Variants in SAXO1 observed in about 807,000 individuals in gnomAD.
The protein encoded by SAXO1 is 4930500O09Rik.
A neutral mutation model predicts 17.5 loss-of-function variants in SAXO1; 21 were observed. The ratio of observed to expected loss-of-function variants is 1.20; its 90% CI spans 0.85 to 1.72. SAXO1 has a LOEUF of 1.72. Among genes scored for constraint, SAXO1 ranks in the 40% most tolerant of loss-of-function variants. The pLI is 0.00. For missense variants in SAXO1, 843 were observed against 596.0 expected (o/e 1.41, Z -4.32); for synonymous variants, 274 against 216.5 (o/e 1.27, Z -2.33).
At chr9:18,976,844 G>A (rs892943329) in intron 1 of SAXO1, among the ~76,000 whole-genome samples, 3 of 152,202 alleles carry the variant, frequency 2.0e-5, no homozygotes, top group Non-Finnish European at 4.4e-5. Flanking sequence ...ATGCACACGT[G>A]TGCACACAGC....
Position 19,021,849 on chromosome 9 carries a change from T to G in SAXO1, c.38+11022A>C, listed in dbSNP as rs566976001. Reference sequence around the variant, plus strand: ...ATCAGCACTCTGTAAAATGGACCAATCAGCACTCTGTAAAATGGACCAATC... The same window carrying G: ...ATCAGCACTCTGTAAAATGGACCAAGCAGCACTCTGTAAAATGGACCAATC... On this transcript the variant is annotated intron_variant, in intron 1 of 3. Transcript: ENST00000380534. Among the ~76,000 whole-genome samples, 49 of 151,608 alleles carry G rather than the reference T, an allele frequency of 3.2e-4. No homozygotes were observed. In the South Asian group the frequency reaches 9.8e-3, roughly 30 times the overall value.
intron 1 of SAXO1, among the ~76,000 whole-genome samples, chr9:19,008,492 A>G (rs574926241): frequency 3.0e-4 from 46 of 152,186 alleles, no homozygotes; most frequent in Non-Finnish European, 6.3e-4. Flanking sequence ...GCAGAAAGCT[A>G]TTTTGAAGCC....
intron 1 of SAXO1, among the ~76,000 whole-genome samples, chr9:19,000,586 G>A (rs186535561): frequency 6.6e-6 from 1 of 152,364 alleles, no homozygotes; most frequent in East Asian, 1.9e-4. Context: ...TCTGGGAAGA[G>A]AGAAGCACCT....
chr9:18,948,044 C>T (rs1350864806), intron 2 of SAXO1, among the ~76,000 whole-genome samples: 1 of 152,128 alleles, frequency 6.6e-6, no homozygotes, highest in African/African-American at 2.4e-5. Context: ...GTGGGATGTT[C>T]CAGTAATAAG....
At chr9:19,044,706 CA>C (rs1214458784) in intron 1 of SAXO1, among the ~76,000 whole-genome samples, 5 of 151,334 alleles carry the variant, frequency 3.3e-5, no homozygotes, top group South Asian at 4.2e-4. Context: ...ACTAAAAATA[CA>C]AAAAAATTAG....
chr9:19,001,663 C>CA (rs78327852), intron 1 of SAXO1, among the ~76,000 whole-genome samples: 72,427 of 130,492 alleles, frequency 0.56, 19,777 homozygotes, highest in Non-Finnish European at 0.65. Flanking sequence ...AAGACTCCGT[C>CA]AAAAAAAAAA....
At chr9:18,931,475 G>C (rs1321246337) in intron 3 of SAXO1, among the ~76,000 whole-genome samples, 1 of 152,170 alleles carries the variant, frequency 6.6e-6, no homozygotes, top group East Asian at 1.9e-4. Flanking sequence ...ATGAGCCTTT[G>C]TGAAGAAGTC....
At chr9:19,002,841 G>A (rs1834331960) in intron 1 of SAXO1, among the ~76,000 whole-genome samples, 1 of 152,196 alleles carries the variant, frequency 6.6e-6, no homozygotes, top group Non-Finnish European at 1.5e-5. Context: ...CACAAGACAA[G>A]GATGCCTTCT....
chr9:18,950,763 T>C lies in SAXO1; in HGVS notation c.213A>G (p.Thr71=), dbSNP rs956410845. 13 of 1,612,594 alleles carry C rather than the reference T, an allele frequency of 8.1e-6. No individual in the cohort carries two copies. Among genetic ancestry groups the C allele is most frequent in the Non-Finnish European group, 1.1e-5 (13 of 1,179,154 alleles). ...TTAATACTGTTTGCCCTCACCTTGA[T>C]GTAGTCAGGCCTTCCATTGGTATAG... ...KGPIPMEGLT[T]SRRDFGPHKV... Residue 71 remains threonine, a synonymous_variant, in exon 2 of 4, where the codon ACA becomes ACG. Coordinates refer to ENST00000380534, the MANE Select transcript of SAXO1 (RefSeq NM_153707.4).
At position 18,928,199 on chromosome 9, in the gene SAXO1, C is replaced by A. The variant is rs769447524; in HGVS notation, c.1278G>T (p.Glu426Asp). The stretch of plus-strand genomic sequence containing the variant: ...CTTCCTCAAAGGTGTAGCCAGGAGG[C>A]TCAGGATATGAAGCTAGGCACCTGC... ...EMGRCLASYP[E>D]PPGYTFEEVD... The change falls in exon 4 of 4, where the codon GAG (glutamate) becomes GAT (aspartate). Residue 426 changes from glutamate (E) to aspartate (D), a missense_variant. Coordinates refer to ENST00000380534, the MANE Select transcript of SAXO1 (RefSeq NM_153707.4). The A allele has an allele frequency of 6.2e-7, 1 of 1,614,166 alleles. No homozygotes were observed. The highest frequency in any genetic ancestry group is 1.7e-5 in the Admixed American group (1 of 60,018).
At chr9:18,975,825 G>C (rs927425034) in intron 1 of SAXO1, among the ~76,000 whole-genome samples, 1 of 152,188 alleles carries the variant, frequency 6.6e-6, no homozygotes, top group African/African-American at 2.4e-5. Context: ...AGCAGAAGCT[G>C]AAAGTTGTGC....
intron 1 of SAXO1, among the ~76,000 whole-genome samples, chr9:18,994,306 A>G (rs890876307): frequency 2.0e-5 from 3 of 152,172 alleles, no homozygotes; most frequent in Non-Finnish European, 4.4e-5. Flanking sequence ...TATGACGACA[A>G]TGTGCCATGT....
At chr9:19,022,777 T>G (rs1360901100) in intron 1 of SAXO1, among the ~76,000 whole-genome samples, 1 of 152,212 alleles carries the variant, frequency 6.6e-6, no homozygotes, top group Non-Finnish European at 1.5e-5. Flanking sequence ...AGCAGCTAAT[T>G]TGACAGCCAT....
At chr9:19,017,028 G>T (rs1217143280) in intron 1 of SAXO1, among the ~76,000 whole-genome samples, 1 of 151,956 alleles carries the variant, frequency 6.6e-6, no homozygotes, top group Non-Finnish European at 1.5e-5. Flanking sequence ...GACCAATTGG[G>T]CCTGGCATGG....
chr9:18,955,592 G>C (rs1364095126), intron 1 of SAXO1, among the ~76,000 whole-genome samples: 2 of 152,202 alleles, frequency 1.3e-5, no homozygotes, highest in Non-Finnish European at 2.9e-5. Context: ...CTCTTTCTTA[G>C]GCTTTCTCTG....
chr9:18,935,772 C>T (rs1408321527), intron 3 of SAXO1, among the ~76,000 whole-genome samples: 1 of 152,190 alleles, frequency 6.6e-6, no homozygotes, highest in Non-Finnish European at 1.5e-5. Flanking sequence ...GTTGTCTTCC[C>T]TGATTTCTTG....
At chr9:19,013,121 G>A (rs1834821155) in intron 1 of SAXO1, among the ~76,000 whole-genome samples, 1 of 151,986 alleles carries the variant, frequency 6.6e-6, no homozygotes, top group South Asian at 2.1e-4. Context: ...GATCCTGGAG[G>A]GGAACCACAC....
intron 1 of SAXO1, among the ~76,000 whole-genome samples, chr9:19,044,800 T>C (rs1251179265): frequency 2.0e-5 from 3 of 151,448 alleles, no homozygotes; most frequent in African/African-American, 7.3e-5. Context: ...GAGGCGGAGC[T>C]TGCAGTGAGC....
intron 1 of SAXO1, among the ~76,000 whole-genome samples, chr9:18,988,890 C>T (rs945076611): frequency 6.6e-6 from 1 of 152,076 alleles, no homozygotes; most frequent in African/African-American, 2.4e-5. Flanking sequence ...ATACAGCAAC[C>T]CAAATCATGG....
Sources: allele counts gnomAD v4.1 joint callset (sites outside exome capture counted in the v4.1 genomes callset), GRCh38; gene constraint gnomAD v4.1.1; transcripts MANE v1.5; gene names NCBI Gene and HGNC (gene_info 2026-07-23, HGNC 2026-07-21).